Variants in NDRG3 observed in about 807,000 individuals in gnomAD.
The protein encoded by NDRG3 is protein NDRG3.
Under a neutral mutation model 57.2 loss-of-function variants are expected in NDRG3, and 23 were observed. That is an observed-to-expected ratio of 0.40 (90% CI 0.29 to 0.57). The LOEUF is 0.57. Among genes scored for constraint, NDRG3 ranks in the 20% least tolerant of loss-of-function variants. NDRG3 has a pLI of 0.42. For synonymous variants in NDRG3, 132 were observed against 162.6 expected (o/e 0.81, Z 1.43); for missense variants, 384 against 457.3 (o/e 0.84, Z 1.46).
At chr20:36,685,474 C>T (rs1429677225) in intron 5 of NDRG3, among the ~76,000 whole-genome samples, 1 of 152,016 alleles carries the variant, frequency 6.6e-6, no homozygotes, top group Non-Finnish European at 1.5e-5. Context: ...CCATGCCTGG[C>T]TAATTTTTCA....
At chr20:36,739,899 G>C (rs1381472385) in intron 1 of NDRG3, among the ~76,000 whole-genome samples, 1 of 114,836 alleles carries the variant, frequency 8.7e-6, no homozygotes, top group Non-Finnish European at 1.6e-5. Context: ...GACAGAGCGA[G>C]ACTCCGTCTC....
At chr20:36,687,679 C>A in intron 4 of NDRG3, 67 bp from the exon 5 acceptor site, 1 of 1,540,148 alleles carries the variant, frequency 6.5e-7, no homozygotes, top group Non-Finnish European at 8.8e-7. Flanking sequence ...TCTACTCAGT[C>A]AATGCCTATT....
intron 2 of NDRG3, among the ~76,000 whole-genome samples, chr20:36,720,718 G>GTT (rs1984539653): frequency 1.3e-5 from 2 of 151,692 alleles, no homozygotes. Flanking sequence ...GAAACTGAAA[G>GTT]TCAAGACACT....
At position 36,676,941 on chromosome 20, in the gene NDRG3, C is replaced by T. The variant is rs944237658; in HGVS notation, c.531+3875G>A. 4.6e-5 allele frequency among the ~76,000 whole-genome samples: 7 copies of T among 152,236 alleles called. No homozygotes were observed. The East Asian group carries it at 7.7e-4, about 17-fold the overall frequency. ...TGCTCTATGGAGCAAGCAGGATCCC[C>T]GCCCTCCTGGGCAGGGCTACAGCCG... On this transcript the variant is annotated intron_variant, in intron 8 of 15. Transcript: ENST00000349004.
In NDRG3 at chr20:36,728,306, C is replaced by T. The variant is rs1361614178; in HGVS notation, c.-48-6523G>A. Among the ~76,000 whole-genome samples the T allele has an allele frequency of 2.0e-5, 3 of 152,302 alleles. No individual in the cohort carries two copies. In the South Asian group the frequency reaches 6.2e-4, roughly 32 times the overall value. ...TGACCTCGTGATCTACCTGCCTCAG[C>T]CTCCCAAAGTGCTGGGATTACAGGC... On this transcript the variant is annotated intron_variant, in intron 1 of 15. Transcript: ENST00000349004.
At chr20:36,706,482 C>T (rs1983554848) in intron 3 of NDRG3, among the ~76,000 whole-genome samples, 1 of 152,046 alleles carries the variant, frequency 6.6e-6, no homozygotes, top group African/African-American at 2.4e-5. Flanking sequence ...AATTTCTGAA[C>T]ACGATAGCAA....
chr20:36,700,578 G>T, intron 3 of NDRG3: 1 of 478,624 alleles, frequency 2.1e-6, no homozygotes, highest in East Asian at 5.8e-5. Flanking sequence ...ACGTGCTGTT[G>T]CTACCTTTTT....
In NDRG3 at chr20:36,666,374, G is replaced by C. The variant is rs574876299; in HGVS notation, c.607C>G (p.Leu203Val). The C allele has an allele frequency of 6.2e-7, 1 of 1,613,910 alleles. No individual in the cohort carries two copies. The highest frequency in any genetic ancestry group is 1.7e-5 in the Admixed American group (1 of 60,016). The change falls in exon 10 of 16, where the codon CTG becomes GTG. Residue 203 changes from leucine (L) to valine (V), a missense_variant. Coordinates refer to ENST00000349004, the MANE Select transcript of NDRG3 (RefSeq NM_032013.4). ...ATTCTGTAGGTTTGGATCAGGTCCA[G>C]GTTGGCCTGTAACTCTTCCTAGAAC... The part of the protein sequence containing the change: ...HFGQEELQAN[L>V]DLIQTYRMHI...
chr20:36,688,712 C>T lies in NDRG3; in HGVS notation c.166G>A (p.Val56Ile), dbSNP rs1357836084. Residue 56 changes from valine (V) to isoleucine (I), a missense_variant, in exon 4 of 16, where the codon GTT (valine) becomes ATT (isoleucine). By Grantham distance (29) the Val-to-Ile change is conservative (BLOSUM62 3). Transcript: ENST00000349004. The stretch of plus-strand genomic sequence containing the variant: ...CCAATGTCATGATATGTTAGTATAA[C>T]TGGTCTGTTTCCTTTGGGTAAGCCT... ...IRGLPKGNRP[V>I]ILTYHDIGLN... is the part of the protein sequence containing the mutation. 1.9e-6 allele frequency: 3 copies of T among 1,613,824 alleles called. No homozygotes were observed. The highest frequency in any genetic ancestry group is 4.5e-5 in the East Asian group (2 of 44,888).
chr20:36,687,720 A>T (rs1055484939), intron 4 of NDRG3, 108 bp from the exon 5 acceptor site: 4 of 1,315,092 alleles, frequency 3.0e-6, no homozygotes, highest in Non-Finnish European at 3.1e-6. Context: ...TTTAACCACC[A>T]TTCCACCAAA....
At chr20:36,730,875 T>C (rs1600968304) in intron 1 of NDRG3, among the ~76,000 whole-genome samples, 1 of 143,474 alleles carries the variant, frequency 7.0e-6, no homozygotes, top group East Asian at 2.0e-4. Context: ...GAGGAGGAGG[T>C]TGGAGTGAGC....
chr20:36,659,295 AG>A (rs1978948423), intron 13 of NDRG3, among the ~76,000 whole-genome samples: 1 of 152,074 alleles, frequency 6.6e-6, no homozygotes, highest in Admixed American at 6.6e-5. Context: ...AAACAGATAC[AG>A]GGTTGTAAAT....
chr20:36,735,509 A>G (rs924276634), intron 1 of NDRG3, among the ~76,000 whole-genome samples: 3 of 152,192 alleles, frequency 2.0e-5, no homozygotes, highest in Non-Finnish European at 4.4e-5. Context: ...CATTGCAGCT[A>G]GTGTTTGGAA....
At chr20:36,694,527 A>G (rs1568648619) in intron 3 of NDRG3, among the ~76,000 whole-genome samples, 1 of 152,138 alleles carries the variant, frequency 6.6e-6, no homozygotes, top group Non-Finnish European at 1.5e-5. Flanking sequence ...GTCTTCTGCT[A>G]ATTACTCTGG....
At chr20:36,698,415 C>T (rs567025631) in intron 3 of NDRG3, among the ~76,000 whole-genome samples, 1 of 152,114 alleles carries the variant, frequency 6.6e-6, no homozygotes, top group South Asian at 2.1e-4. Flanking sequence ...CATGGTGAGA[C>T]CCTGTCTCTA....
intron 9 of NDRG3, among the ~76,000 whole-genome samples, chr20:36,669,608 A>G (rs894404762): frequency 2.0e-5 from 3 of 151,950 alleles, no homozygotes; most frequent in Non-Finnish European, 4.4e-5. Context: ...TAGGTGATCC[A>G]CCTGCCTTGG....
chr20:36,710,320 C>T (rs1427571968), intron 2 of NDRG3, among the ~76,000 whole-genome samples: 1 of 151,628 alleles, frequency 6.6e-6, no homozygotes, highest in Non-Finnish European at 1.5e-5. Context: ...GAGATCCTGT[C>T]TCATAAATAA....
intron 7 of NDRG3, among the ~76,000 whole-genome samples, chr20:36,681,496 T>C (rs1419767358): frequency 6.6e-6 from 1 of 151,084 alleles, no homozygotes; most frequent in Non-Finnish European, 1.5e-5. Flanking sequence ...ATTAGCTGGG[T>C]GTGGTAGTGG....
At chr20:36,698,332 G>C (rs1203160099) in intron 3 of NDRG3, among the ~76,000 whole-genome samples, 1 of 151,002 alleles carries the variant, frequency 6.6e-6, no homozygotes, top group Non-Finnish European at 1.5e-5. Context: ...GCTCATGCCT[G>C]TAATCCCAGC....
Sources: gnomAD v4.1 joint callset for allele counts (sites outside exome capture counted in the v4.1 genomes callset) on GRCh38, gnomAD v4.1.1 for gene constraint, MANE v1.5 for transcripts, NCBI Gene and HGNC (gene_info 2026-07-23, HGNC 2026-07-21) for gene names.